The following SYT2 variants were observed in gnomAD, a reference collection of about 807,000 sequenced individuals.
The protein encoded by SYT2 is synaptotagmin-2.
A neutral mutation model predicts 39.9 loss-of-function variants in SYT2; 15 were observed. The observed-to-expected ratio is 0.38, with a 90% confidence interval of 0.25 to 0.58. SYT2 has a LOEUF of 0.58. SYT2 is among the 20% of genes least tolerant of loss of function. SYT2 has a pLI of 0.70. For synonymous variants in SYT2, 181 were observed against 204.5 expected (o/e 0.89, Z 0.98); for missense variants, 389 against 530.3 (o/e 0.73, Z 2.62).
In SYT2 at chr1:202,595,872, G is replaced by A. The variant is rs781110934; in HGVS notation, c.*885C>T. 2.0e-5 allele frequency: 3 copies of A among 152,120 alleles called. No individual in the cohort carries two copies. Among genetic ancestry groups the A allele is most frequent in the Non-Finnish European group, 2.9e-5 (2 of 68,022 alleles). The allele number at this position is 152,120 out of a possible 1,614,324, so 9.4% of individuals were successfully genotyped here. A position where few individuals can be genotyped will look rare whatever the true frequency, so the allele number is the denominator to read the frequency against. On this transcript the variant is annotated 3_prime_UTR_variant, in exon 9 of 9. Coordinates refer to ENST00000367268, the MANE Select transcript of SYT2 (RefSeq NM_177402.5). ...ATTGTCAATAAGAGTGAGATTTTGG[G>A]ACTGAGAGTCCCTGTTAGTCTGACC...
intron 1 of SYT2, among the ~76,000 whole-genome samples, chr1:202,642,978 G>A (rs1377075476): frequency 6.6e-6 from 1 of 152,252 alleles, no homozygotes; most frequent in Non-Finnish European, 1.5e-5. Context: ...TCCGCGGGGA[G>A]AGATAGGTTG....
chr1:202,704,925 A>G (rs965558172), intron 1 of SYT2, among the ~76,000 whole-genome samples: 3 of 152,210 alleles, frequency 2.0e-5, no homozygotes, highest in Admixed American at 6.5e-5. Flanking sequence ...AGGAAACCCA[A>G]CATCAGGGAG....
chr1:202,659,989 T>A lies in SYT2; in HGVS notation c.-18+50269A>T, dbSNP rs374937321. On this transcript the variant is annotated intron_variant, in intron 1 of 8. Transcript: ENST00000367268. ...AGACCTGAGCTTGGCACGGAGGTCCTTCAATGAAAACAAACTGATTCTCTG... is the reference window on the plus strand; with the variant it reads ...AGACCTGAGCTTGGCACGGAGGTCCATCAATGAAAACAAACTGATTCTCTG... 3.3e-5 allele frequency among the ~76,000 whole-genome samples: 5 copies of A among 152,138 alleles called. No homozygotes were observed. In the East Asian group the frequency reaches 5.8e-4, roughly 18 times the overall value.
At chr1:202,678,607 C>T (rs1022412472) in intron 1 of SYT2, among the ~76,000 whole-genome samples, 3 of 152,168 alleles carry the variant, frequency 2.0e-5, no homozygotes, top group Non-Finnish European at 4.4e-5. Context: ...GGCTTCCCCC[C>T]TCCCTATAGG....
intron 1 of SYT2, among the ~76,000 whole-genome samples, chr1:202,692,750 G>A (rs770489319): frequency 5.3e-5 from 8 of 152,158 alleles, no homozygotes; most frequent in Non-Finnish European, 1.2e-4. Flanking sequence ...TCCTCAGCCA[G>A]CTTCTACCTC....
chr1:202,621,997 G>C (rs1016208668), intron 1 of SYT2, among the ~76,000 whole-genome samples: 6 of 152,212 alleles, frequency 3.9e-5, no homozygotes, highest in African/African-American at 1.4e-4. Flanking sequence ...ATGATCTGGG[G>C]ACTAGGCACT....
At chr1:202,610,481 G>A (rs1572621931) in intron 1 of SYT2, among the ~76,000 whole-genome samples, 1 of 152,308 alleles carries the variant, frequency 6.6e-6, no homozygotes, top group South Asian at 2.1e-4. Flanking sequence ...AGGGCAATCA[G>A]GCAGGAGAAG....
At position 202,628,862 on chromosome 1, in the gene SYT2, CCTGGA is replaced by C. The variant is rs1487924914; in HGVS notation, c.-17-23078_-17-23074del. On this transcript the variant is annotated intron_variant, in intron 1 of 8. Transcript: ENST00000367268. This position sits in a 1 kb window ranked among gnomAD's most constrained non-coding sequence, Gnocchi z 4.2. Reference sequence around the variant, plus strand: ...AGCACCTGGGCTCTGGGCAGACTGACCTGGACTGGAGTCTCGGCTCTTTTAGCCAT... The same window carrying C: ...AGCACCTGGGCTCTGGGCAGACTGACCTGGAGTCTCGGCTCTTTTAGCCAT... Among the ~76,000 whole-genome samples the C allele has an allele frequency of 6.6e-6, 1 of 152,232 alleles. No homozygotes were observed. The highest frequency in any genetic ancestry group is 1.5e-5 in the Non-Finnish European group (1 of 68,050).
intron 1 of SYT2, among the ~76,000 whole-genome samples, chr1:202,624,412 T>A (rs558219387): frequency 2.0e-5 from 3 of 151,388 alleles, no homozygotes; most frequent in African/African-American, 7.3e-5. Flanking sequence ...TATGGGGGTA[T>A]AGTGAGTTTG....
chr1:202,598,962 T>A (rs551945838), intron 8 of SYT2, among the ~76,000 whole-genome samples: 1 of 152,314 alleles, frequency 6.6e-6, no homozygotes, highest in Admixed American at 6.5e-5. Context: ...TCTGTGTGCA[T>A]GACCATGGTC....
In SYT2 at chr1:202,710,258, C is replaced by A. The variant is rs1158166703; in HGVS notation, c.-18G>T. The A allele has an allele frequency of 1.3e-5, 2 of 152,242 alleles. No individual in the cohort carries two copies. Among genetic ancestry groups the A allele is most frequent in the Non-Finnish European group, 2.9e-5 (2 of 68,060 alleles). 9.4% of individuals were successfully genotyped at this position (152,242 alleles called of 1,614,324 possible). Reference sequence around the variant, plus strand: ...CCCACCGGCGGGGGTATGGACTTACCGGAGAGCGACCCGAAGGAGGCGGGA... The same window carrying A: ...CCCACCGGCGGGGGTATGGACTTACAGGAGAGCGACCCGAAGGAGGCGGGA... On this transcript the variant is annotated splice_region_variant and 5_prime_UTR_variant, in exon 1 of 9. Transcript: ENST00000367268.
At chr1:202,682,469 G>A (rs1653551060) in intron 1 of SYT2, among the ~76,000 whole-genome samples, 1 of 152,192 alleles carries the variant, frequency 6.6e-6, no homozygotes. Context: ...CACAGGTCAG[G>A]GAGGAGATGA....
intron 1 of SYT2, among the ~76,000 whole-genome samples, chr1:202,616,119 T>G (rs376361023): frequency 8.5e-5 from 13 of 152,166 alleles, no homozygotes; most frequent in East Asian, 1.9e-4. Flanking sequence ...CAGCTTCGCC[T>G]CCTCCTCCAG....
At chr1:202,636,441 G>A (rs566782) in intron 1 of SYT2, 978,546 of 978,548 alleles carry the variant, frequency 1, 489,272 homozygotes, top group Non-Finnish European at 1. Flanking sequence ...TCAAATCATC[G>A]TCTGCCTCAT....
chr1:202,628,821 C>T lies in SYT2; in HGVS notation c.-17-23032G>A, dbSNP rs1418429600. Reference sequence around the variant, plus strand: ...GAGCCAAGTGAAACACCAGGTGCTGCCAAGTGGGGTGAATGAGCACCTGGG... The same window carrying T: ...GAGCCAAGTGAAACACCAGGTGCTGTCAAGTGGGGTGAATGAGCACCTGGG... On this transcript the variant is annotated intron_variant, in intron 1 of 8. Coordinates refer to ENST00000367268, the MANE Select transcript of SYT2 (RefSeq NM_177402.5). This position sits in a 1 kb window ranked among gnomAD's most constrained non-coding sequence, Gnocchi z 4.2. 6.6e-6 allele frequency among the ~76,000 whole-genome samples: 1 copy of T among 152,218 alleles called. No individual in the cohort carries two copies. Among genetic ancestry groups the T allele is most frequent in the Admixed American group, 6.5e-5 (1 of 15,284 alleles).
In SYT2 at chr1:202,596,580, C is replaced by T. The variant is rs1690304167; in HGVS notation, c.*177G>A. ...CTTTCACCTCTTAGGGGACTCTCCT[C>T]ACACAGCCATCAAAGGGAAGTTGGT... On this transcript the variant is annotated 3_prime_UTR_variant, in exon 9 of 9. Coordinates refer to ENST00000367268, the MANE Select transcript of SYT2 (RefSeq NM_177402.5). The T allele has an allele frequency of 4.8e-6, 3 of 630,274 alleles. No individual in the cohort carries two copies. The highest frequency in any genetic ancestry group is 6.1e-5 in the Admixed American group (2 of 32,856). 39.0% of individuals were successfully genotyped at this position (630,274 alleles called of 1,614,324 possible). A position where few individuals can be genotyped will look rare whatever the true frequency, so the allele number is the denominator to read the frequency against.
rs187326401 is a variant in SYT2, at chr1:202,650,507, C to T, written c.-17-44718G>A. Among the ~76,000 whole-genome samples, 430 of 150,634 alleles carry T rather than the reference C, an allele frequency of 2.9e-3. 6 individuals are homozygous for T. Among genetic ancestry groups the T allele is most frequent in the African/African-American group, 0.01 (415 of 41,178 alleles). On this transcript the variant is annotated intron_variant, in intron 1 of 8. Coordinates refer to ENST00000367268, the MANE Select transcript of SYT2 (RefSeq NM_177402.5). ...CTGGAGTGCAATGGCACAATCTCAG[C>T]TCACTGCAACCCCTGCCTCCCGGGT...
rs142688507 is a variant in SYT2 at position 202,674,234 on chromosome 1, T to G, written c.-18+36024A>C. On this transcript the variant is annotated intron_variant, in intron 1 of 8. Transcript: ENST00000367268. ...CTCGTGCCTCAGCCTCCTGAGTAGC[T>G]GGGATTACAGGCGTGTACCACCACG... 5.6e-3 allele frequency among the ~76,000 whole-genome samples: 850 copies of G among 152,308 alleles called. 9 individuals carry two copies. The highest frequency in any genetic ancestry group is 0.019 in the African/African-American group (794 of 41,570).
intron 1 of SYT2, among the ~76,000 whole-genome samples, chr1:202,644,745 TCAGGGCTTTC>T (rs1162835541): frequency 1.2e-4 from 19 of 152,046 alleles, no homozygotes; most frequent in African/African-American, 4.6e-4. Flanking sequence ...GGGCAGTCAC[TCAGGGCTTTC>T]CAGGGCTTCT....
Sources: gnomAD v4.1 joint callset for allele counts (sites outside exome capture counted in the v4.1 genomes callset) on GRCh38, gnomAD v4.1.1 for gene constraint, Gnocchi (gnomAD v3.1) non-coding constraint, MANE v1.5 for transcripts, NCBI Gene and HGNC (gene_info 2026-07-23, HGNC 2026-07-21) for gene names.